Variants in SGCZ observed in about 807,000 individuals in gnomAD.
The protein encoded by SGCZ is zeta-sarcoglycan.
Under a neutral mutation model 41.3 loss-of-function variants are expected in SGCZ, and 40 were observed. The ratio of observed to expected loss-of-function variants is 0.97; its 90% CI spans 0.75 to 1.26. The LOEUF (loss-of-function observed/expected upper bound fraction) is 1.26. SGCZ is among the 50% of genes most tolerant of loss of function. SGCZ has a pLI of 0.00. For missense variants in SGCZ, 552 were observed against 369.8 expected (o/e 1.49, Z -4.04); for synonymous variants, 206 against 137.5 (o/e 1.50, Z -3.49).
intron 1 of SGCZ, among the ~76,000 whole-genome samples, chr8:14,935,222 T>G (rs545592463): frequency 6.6e-6 from 1 of 151,922 alleles, no homozygotes; most frequent in Non-Finnish European, 1.5e-5. Context: ...TTATCTTAAA[T>G]CCATACTTTT....
intron 3 of SGCZ, among the ~76,000 whole-genome samples, chr8:14,280,581 A>T (rs921458164): frequency 4.6e-5 from 7 of 151,980 alleles, no homozygotes; most frequent in Non-Finnish European, 1.0e-4. Flanking sequence ...CTTAAATCGG[A>T]AATCTCTGAG....
At chr8:14,247,434 G>C (rs903003619) in intron 3 of SGCZ, among the ~76,000 whole-genome samples, 3 of 152,126 alleles carry the variant, frequency 2.0e-5, no homozygotes, top group Non-Finnish European at 2.9e-5. Context: ...AGGGAATCTG[G>C]GGTAATCTAT....
chr8:14,551,875 C>G (rs1000370970), intron 2 of SGCZ, among the ~76,000 whole-genome samples: 1 of 150,192 alleles, frequency 6.7e-6, no homozygotes, highest in Non-Finnish European at 1.5e-5. Context: ...GAATATCGCT[C>G]ATAATGATGG....
chr8:14,948,871 G>A (rs940293086), intron 1 of SGCZ, among the ~76,000 whole-genome samples: 2 of 80,432 alleles, frequency 2.5e-5, no homozygotes, highest in Non-Finnish European at 5.1e-5. Context: ...CCCTGTTACA[G>A]CTTTTTTCTC....
intron 1 of SGCZ, among the ~76,000 whole-genome samples, chr8:15,015,222 A>G (rs1802981044): frequency 6.6e-6 from 1 of 151,886 alleles, no homozygotes; most frequent in Non-Finnish European, 1.5e-5. Flanking sequence ...CAGCCTGAGA[A>G]ACAGAGTGAG....
intron 4 of SGCZ, among the ~76,000 whole-genome samples, chr8:14,202,176 T>C (rs78525725): frequency 0.034 from 5,242 of 152,144 alleles, 298 homozygotes; most frequent in African/African-American, 0.12. Context: ...GAAGAGTCAG[T>C]GTTAGAGTGA....
rs1804487005 is a variant in SGCZ, at chr8:14,384,300, A to T, written c.235-60096T>A. ...TCCCTACAAAGGACATGAACTTATC[A>T]TTTTTTTATGGCTGCACAGTTGTTT... is the stretch of plus-strand genomic sequence containing the variant. On this transcript the variant is annotated intron_variant, in intron 2 of 7. Transcript: ENST00000382080. Among the ~76,000 whole-genome samples, 5 of 152,144 alleles carry T rather than the reference A, an allele frequency of 3.3e-5. No homozygotes were observed. The South Asian group carries it at 1.0e-3, about 32-fold the overall frequency.
chr8:14,692,601 A>G (rs1336321731), intron 1 of SGCZ, among the ~76,000 whole-genome samples: 1 of 152,194 alleles, frequency 6.6e-6, no homozygotes, highest in African/African-American at 2.4e-5. Context: ...AAACATAAAA[A>G]AGCAACTGCT....
chr8:14,202,114 G>A (rs532421817), intron 4 of SGCZ, among the ~76,000 whole-genome samples: 1 of 152,064 alleles, frequency 6.6e-6, no homozygotes, highest in Non-Finnish European at 1.5e-5. Flanking sequence ...GAATATGCTG[G>A]ATAATCCCAA....
intron 1 of SGCZ, among the ~76,000 whole-genome samples, chr8:14,674,895 T>A (rs984907273): frequency 6.7e-6 from 1 of 149,904 alleles, no homozygotes; most frequent in African/African-American, 2.5e-5. Context: ...ATGCTTCCTG[T>A]ACAGTGAGCC....
intron 1 of SGCZ, among the ~76,000 whole-genome samples, chr8:14,656,531 TTTTTTCTTTCTTTCCCTTTC>T (rs528175836): frequency 0.042 from 6,355 of 150,138 alleles, 178 homozygotes; most frequent in South Asian, 0.11. Context: ...CTTTTCTTTC[TTTTTTCTTTCTTTCCCTTTC>T]TTTTTCTTTC....
intron 2 of SGCZ, among the ~76,000 whole-genome samples, chr8:14,349,407 T>C (rs1803008407): frequency 6.6e-6 from 1 of 152,122 alleles, no homozygotes; most frequent in African/African-American, 2.4e-5. Flanking sequence ...TGGTAAAAAC[T>C]ACCTAGACAG....
At chr8:15,063,194 T>C (rs1219127562) in intron 1 of SGCZ, among the ~76,000 whole-genome samples, 1 of 152,174 alleles carries the variant, frequency 6.6e-6, no homozygotes, top group African/African-American at 2.4e-5. Flanking sequence ...TTTGGAACTT[T>C]CTAATTGAAA....
chr8:15,219,812 C>T (rs1391866538), intron 1 of SGCZ, among the ~76,000 whole-genome samples: 1 of 152,064 alleles, frequency 6.6e-6, no homozygotes, highest in South Asian at 2.1e-4. Context: ...ACCAGTTTTC[C>T]AAAGCAACTT....
chr8:14,803,252 T>G (rs2466923), intron 1 of SGCZ, among the ~76,000 whole-genome samples: 55,322 of 151,928 alleles, frequency 0.36, 11,825 homozygotes, highest in East Asian at 0.49. Context: ...GAACAGCTCC[T>G]GTCTACAGCT....
intron 1 of SGCZ, among the ~76,000 whole-genome samples, chr8:15,044,958 C>CA (rs1804247392): frequency 6.6e-6 from 1 of 151,984 alleles, no homozygotes; most frequent in Non-Finnish European, 1.5e-5. Flanking sequence ...ATTTGTACTA[C>CA]AAAAAGTAAA....
At chr8:14,671,020 T>G (rs1256693687) in intron 1 of SGCZ, among the ~76,000 whole-genome samples, 1 of 152,212 alleles carries the variant, frequency 6.6e-6, no homozygotes, top group South Asian at 2.1e-4. Context: ...TCAAGCTTCC[T>G]TGGTGTGCTG....
At chr8:14,681,765 T>C (rs1329270350) in intron 1 of SGCZ, among the ~76,000 whole-genome samples, 1 of 152,152 alleles carries the variant, frequency 6.6e-6, no homozygotes, top group African/African-American at 2.4e-5. Flanking sequence ...AATGAATATC[T>C]TAGAGAGAGG....
intron 4 of SGCZ, among the ~76,000 whole-genome samples, chr8:14,219,522 G>A (rs1160384747): frequency 6.6e-6 from 1 of 152,182 alleles, no homozygotes; most frequent in Non-Finnish European, 1.5e-5. Context: ...GCGGAAGCGG[G>A]CAGATCACAA....
Sources: gnomAD v4.1 joint callset for allele counts (sites outside exome capture counted in the v4.1 genomes callset) on GRCh38, gnomAD v4.1.1 for gene constraint, MANE v1.5 for transcripts, NCBI Gene and HGNC (gene_info 2026-07-23, HGNC 2026-07-21) for gene names.